JAKMIP1: variants seen among roughly 807,000 people sequenced by gnomAD.
JAKMIP1 encodes janus kinase and microtubule-interacting protein 1.
JAKMIP1 carries 33 observed loss-of-function variants against 113.0 expected under a neutral mutation model. The observed-to-expected ratio is 0.29, with a 90% CI of 0.22 to 0.39. JAKMIP1 has a LOEUF of 0.39. Ranked by LOEUF, JAKMIP1 falls within the 10% of genes least tolerant of loss-of-function variation. The probability of loss-of-function intolerance (pLI) is 1.00; values close to 1 mark genes in which losing one functional copy is unlikely to be tolerated. For synonymous variants in JAKMIP1, 480 were observed against 459.9 expected, an observed-to-expected ratio of 1.04 and a Z score of -0.56; for missense variants, 813 against 1,080.5, an observed-to-expected ratio of 0.75 and a Z score of 3.47.
chr4:6,051,959 GC>G lies in JAKMIP1; in HGVS notation c.1807-1281del, dbSNP rs1390818680. Among the ~76,000 whole-genome samples, 1 of 152,136 alleles carries G rather than the reference GC, an allele frequency of 6.6e-6. No individual in the cohort carries two copies. The highest frequency in any genetic ancestry group is 2.4e-5 in the African/African-American group (1 of 41,430). ...GTTACGGTAAGGTAAAAAATAACAT[GC>G]TTTGGGCCATTCTAGCAGAATCTAG... On this transcript the variant is annotated intron_variant, in intron 13 of 20. Coordinates refer to ENST00000409021, the MANE Select transcript of JAKMIP1 (RefSeq NM_001099433.2). The surrounding 1 kb of genome is among the most constrained non-coding windows in gnomAD (Gnocchi z 5.0).
chr4:6,131,806 G>A, intron 1 of JAKMIP1, among the ~76,000 whole-genome samples: 1 of 152,208 alleles, frequency 6.6e-6, no homozygotes, highest in East Asian at 1.9e-4. Context: ...AATACTTAAA[G>A]TGATGAGAAG....
In JAKMIP1 at chr4:6,081,546, G is replaced by A. The variant is rs368048925; in HGVS notation, c.1101+63C>T. On this transcript the variant is annotated intron_variant, in intron 6 of 20. Coordinates refer to ENST00000409021, the MANE Select transcript of JAKMIP1 (RefSeq NM_001099433.2). The surrounding 1 kb of genome is among the most constrained non-coding windows in gnomAD (Gnocchi z 4.6). ...AGAACATGTGAATCGGGAGGTTCAG[G>A]GCTGAAGAATCCCAGACAGAGAAGG... 6.9e-6 allele frequency: 11 copies of A among 1,593,468 alleles called. No individual in the cohort carries two copies. The Admixed American group carries it at 1.7e-4, about 24-fold the overall frequency.
chr4:6,092,821 C>T (rs960887852), intron 3 of JAKMIP1, among the ~76,000 whole-genome samples: 5 of 152,198 alleles, frequency 3.3e-5, no homozygotes, highest in Admixed American at 2.0e-4. Flanking sequence ...GCAGGGGCCT[C>T]GATTCTACCT....
chr4:6,174,363 G>A (rs1291303004), intron 1 of JAKMIP1, among the ~76,000 whole-genome samples: 1 of 152,220 alleles, frequency 6.6e-6, no homozygotes, highest in Non-Finnish European at 1.5e-5. Context: ...CAAGAGTCAG[G>A]TGTGACATAT....
rs1174909743 is a variant in JAKMIP1, at chr4:6,089,522, G to GA, written c.625-3894dup. 6.6e-6 allele frequency among the ~76,000 whole-genome samples: 1 copy of GA among 152,174 alleles called. No individual in the cohort carries two copies. The highest frequency in any genetic ancestry group is 1.5e-5 in the Non-Finnish European group (1 of 68,038). The stretch of plus-strand genomic sequence containing the variant: ...ACACAAACTTGAGGCCCAGAAAGGG[G>GA]AATGTGCTAACACTCTAGTTAGCAG... On this transcript the variant is annotated intron_variant, in intron 3 of 20. Coordinates refer to ENST00000409021, the MANE Select transcript of JAKMIP1 (RefSeq NM_001099433.2). The surrounding 1 kb of genome is among the most constrained non-coding windows in gnomAD (Gnocchi z 5.3).
At chr4:6,055,647 A>C (rs1716288206) in intron 12 of JAKMIP1, among the ~76,000 whole-genome samples, 1 of 152,232 alleles carries the variant, frequency 6.6e-6, no homozygotes, top group Non-Finnish European at 1.5e-5. Context: ...GGACCAGCCC[A>C]ACAATAGGCC....
rs1224368713 is a variant in JAKMIP1, at chr4:6,081,663, A to G, written c.1047T>C (p.Ser349=). 1.2e-6 allele frequency: 2 copies of G among 1,613,862 alleles called. No homozygotes were observed. The highest frequency in any genetic ancestry group is 1.7e-5 in the Admixed American group (1 of 59,972). Residue 349 remains serine (S), a synonymous_variant, in exon 6 of 21, where the codon AGT becomes AGC. Coordinates refer to ENST00000409021, the MANE Select transcript of JAKMIP1 (RefSeq NM_001099433.2). This position sits in a 1 kb window ranked among gnomAD's most constrained non-coding sequence, Gnocchi z 4.6. ...MNKKNEDLLQ[S]IQRMEEKIKN... ...TGATTTTCTCCTCCATCCTCTGGAT[A>G]CTCTGCAACAGATCCTCATTCTTCT... is the stretch of plus-strand genomic sequence containing the variant.
intron 10 of JAKMIP1, 26 bp from the exon 11 acceptor site, chr4:6,060,533 A>C: frequency 1.3e-6 from 2 of 1,576,708 alleles, no homozygotes; most frequent in Non-Finnish European, 1.7e-6. Context: ...CCAGGCAGTG[A>C]GCAGGTCACC....
rs1286476711 is a variant in JAKMIP1, at chr4:6,156,127, C to G, written c.-147-43130G>C. 6.6e-6 allele frequency among the ~76,000 whole-genome samples: 1 copy of G among 152,186 alleles called. No homozygotes were observed. The highest frequency in any genetic ancestry group is 2.4e-5 in the African/African-American group (1 of 41,440). ...CTGTTGGCATTTCTAAATACCTGACCCATCTGTGTGTTTCTTGGGAGCAGA... is the reference window on the plus strand; with the variant it reads ...CTGTTGGCATTTCTAAATACCTGACGCATCTGTGTGTTTCTTGGGAGCAGA... On this transcript the variant is annotated intron_variant, in intron 1 of 20. Transcript: ENST00000409021. This position sits in a 1 kb window ranked among gnomAD's most constrained non-coding sequence, Gnocchi z 5.0.
chr4:6,032,009 T>C (rs1314096289), intron 19 of JAKMIP1, among the ~76,000 whole-genome samples: 1 of 152,122 alleles, frequency 6.6e-6, no homozygotes, highest in African/African-American at 2.4e-5. Context: ...GGCAACCCCC[T>C]CACATGCAGG....
At chr4:6,122,402 G>A (rs548597937) in intron 1 of JAKMIP1, among the ~76,000 whole-genome samples, 1 of 152,070 alleles carries the variant, frequency 6.6e-6, no homozygotes, top group African/African-American at 2.4e-5. Context: ...AAGAGGTTAG[G>A]GTACTTGGGT....
chr4:6,036,632 T>C (rs1254769760), intron 18 of JAKMIP1, among the ~76,000 whole-genome samples: 1 of 152,196 alleles, frequency 6.6e-6, no homozygotes, highest in African/African-American at 2.4e-5. Flanking sequence ...GCCACCCTTT[T>C]TGGCAAAGCT....
intron 8 of JAKMIP1, among the ~76,000 whole-genome samples, chr4:6,068,949 T>C (rs4689327): frequency 0.74 from 113,103 of 152,186 alleles, 47,791 homozygotes; most frequent in East Asian, 0.96. Flanking sequence ...TTGTTTCCTT[T>C]AGAGAAAAGT....
At position 6,051,978 on chromosome 4, in the gene JAKMIP1, G is replaced by A. The variant is rs960611156; in HGVS notation, c.1807-1299C>T. On this transcript the variant is annotated intron_variant, in intron 13 of 20. Transcript: ENST00000409021. The surrounding 1 kb of genome is among the most constrained non-coding windows in gnomAD (Gnocchi z 5.0). ...TAACATGCTTTGGGCCATTCTAGCA[G>A]AATCTAGCTACAGAACCAATGGGCT... 6.6e-6 allele frequency among the ~76,000 whole-genome samples: 1 copy of A among 152,128 alleles called. No homozygotes were observed. The highest frequency in any genetic ancestry group is 2.4e-5 in the African/African-American group (1 of 41,416).
At position 6,131,772 on chromosome 4, in the gene JAKMIP1, T is replaced by C. The variant is rs187697408; in HGVS notation, c.-147-18775A>G. On this transcript the variant is annotated intron_variant, in intron 1 of 20. Transcript: ENST00000409021. ...ACATCCGACTTCCCTGCAGAAACCATGCAAGCAAGAAAGAGGAGAGGGAAA... is the reference window on the plus strand; with the variant it reads ...ACATCCGACTTCCCTGCAGAAACCACGCAAGCAAGAAAGAGGAGAGGGAAA... 8.5e-5 allele frequency among the ~76,000 whole-genome samples: 13 copies of C among 152,174 alleles called. No individual in the cohort carries two copies. In the East Asian group the frequency reaches 2.1e-3, roughly 25 times the overall value.
Position 6,059,060 on chromosome 4 carries a change from AG to A in JAKMIP1, c.1644+1363del, listed in dbSNP as rs1716884493. 1.3e-5 allele frequency among the ~76,000 whole-genome samples: 2 copies of A among 152,188 alleles called. No individual in the cohort carries two copies. The highest frequency in any genetic ancestry group is 4.8e-5 in the African/African-American group (2 of 41,442). Reference sequence around the variant, plus strand: ...ACAAAGAGATTATGTTACTTGCCCAAGGTTATGCAACAAGGAAGTGGCAGAG... The same window carrying A: ...ACAAAGAGATTATGTTACTTGCCCAAGTTATGCAACAAGGAAGTGGCAGAG... On this transcript the variant is annotated intron_variant, in intron 11 of 20. Coordinates refer to ENST00000409021, the MANE Select transcript of JAKMIP1 (RefSeq NM_001099433.2). The surrounding 1 kb of genome is among the most constrained non-coding windows in gnomAD (Gnocchi z 4.8).
At position 6,097,068 on chromosome 4, in the gene JAKMIP1, C is replaced by T. The variant is rs78219454; in HGVS notation, c.624+8405G>A. ...CCAGGCTGGAGTGCAGGGGCATGAT[C>T]GTAGGTCACAGTAGCCTCAATCTGC... On this transcript the variant is annotated intron_variant, in intron 3 of 20. Transcript: ENST00000409021. The surrounding 1 kb of genome is among the most constrained non-coding windows in gnomAD (Gnocchi z 4.3). Among the ~76,000 whole-genome samples, 588 of 152,248 alleles carry T rather than the reference C, an allele frequency of 3.9e-3. 28 individuals carry two copies. In the East Asian group the frequency reaches 0.096, roughly 25 times the overall value.
intron 1 of JAKMIP1, among the ~76,000 whole-genome samples, chr4:6,165,312 CAG>C (rs1313818931): frequency 2.6e-5 from 4 of 152,170 alleles, no homozygotes; most frequent in Non-Finnish European, 5.9e-5. Context: ...TGTTTTGAGA[CAG>C]AGGCTCTGTA....
At chr4:6,033,423 G>A (rs1482470246) in intron 19 of JAKMIP1, among the ~76,000 whole-genome samples, 1 of 152,336 alleles carries the variant, frequency 6.6e-6, no homozygotes, top group East Asian at 1.9e-4. Context: ...ATAAAGGTGA[G>A]AGAAGACATG....
Sources: gnomAD v4.1 joint callset for allele counts (sites outside exome capture counted in the v4.1 genomes callset) on GRCh38, gnomAD v4.1.1 for gene constraint, Gnocchi (gnomAD v3.1) non-coding constraint, MANE v1.5 for transcripts, NCBI Gene and HGNC (gene_info 2026-07-23, HGNC 2026-07-21) for gene names.